Variants in MAPK8 observed in about 807,000 individuals in gnomAD.
The protein encoded by MAPK8 is JUN N-terminal kinase.
MAPK8 carries 13 observed loss-of-function variants against 52.9 expected under a neutral mutation model. That is an observed-to-expected ratio of 0.25 (90% CI 0.16 to 0.39). The LOEUF (loss-of-function observed/expected upper bound fraction) is 0.39. Ranked by LOEUF, MAPK8 falls within the 10% of genes least tolerant of loss-of-function variation. The probability of loss-of-function intolerance (pLI) is 1.00; values close to 1 mark genes in which losing one functional copy is unlikely to be tolerated. For synonymous variants in MAPK8, 191 were observed against 169.8 expected (o/e 1.12, Z -0.97); for missense variants, 300 against 519.2 (o/e 0.58, Z 4.10).
At chr10:48,367,373 AAAAATAAAT>A (rs1325176937) in intron 1 of MAPK8, among the ~76,000 whole-genome samples, 3 of 149,164 alleles carry the variant, frequency 2.0e-5, no homozygotes, top group Non-Finnish European at 4.4e-5. Flanking sequence ...TTTAAAAATT[AAAAATAAAT>A]AAATAAATAA....
At chr10:48,412,765 T>C (rs775302362) in intron 5 of MAPK8, among the ~76,000 whole-genome samples, 4 of 152,246 alleles carry the variant, frequency 2.6e-5, no homozygotes, top group Non-Finnish European at 5.9e-5. Context: ...TATTTCCCAA[T>C]GTTTTTTCCC....
intron 1 of MAPK8, among the ~76,000 whole-genome samples, chr10:48,358,678 C>T (rs972976343): frequency 2.0e-5 from 3 of 152,148 alleles, no homozygotes; most frequent in African/African-American, 4.8e-5. Context: ...TCTACAAAAC[C>T]GTTGCCAAAT....
At position 48,427,692 on chromosome 10, in the gene MAPK8, C is replaced by G. The variant is rs2043773098; in HGVS notation, c.1060+549C>G. Among the ~76,000 whole-genome samples the G allele has an allele frequency of 3.9e-5, 6 of 152,292 alleles. No homozygotes were observed. In the South Asian group the frequency reaches 1.2e-3, roughly 32 times the overall value. Reference sequence around the variant, plus strand: ...TATTTTTAGTAGAGACAGGGTTTCACCATGTTAGCCAGGATGGTCTCGATC... The same window carrying G: ...TATTTTTAGTAGAGACAGGGTTTCAGCATGTTAGCCAGGATGGTCTCGATC... On this transcript the variant is annotated intron_variant, in intron 10 of 11. Coordinates refer to ENST00000374189, the MANE Select transcript of MAPK8 (RefSeq NM_001323329.2).
chr10:48,410,009 T>C, intron 4 of MAPK8, 21 bp from the exon 5 acceptor site: 1 of 1,603,604 alleles, frequency 6.2e-7, no homozygotes. Flanking sequence ...CTTTAGCTGT[T>C]CTCTTTTTTC....
intron 1 of MAPK8, among the ~76,000 whole-genome samples, chr10:48,354,165 T>A (rs12255739): frequency 0.036 from 5,427 of 151,932 alleles, 323 homozygotes; most frequent in African/African-American, 0.12. Context: ...TAAAAAAAAA[T>A]TTTTTTAAAT....
At chr10:48,412,715 G>A (rs1322557826) in intron 5 of MAPK8, among the ~76,000 whole-genome samples, 1 of 152,150 alleles carries the variant, frequency 6.6e-6, no homozygotes. Flanking sequence ...TGCTAGTTAG[G>A]GAGGCAGGTA....
chr10:48,385,545 TATACA>T (rs2041262139), intron 1 of MAPK8, among the ~76,000 whole-genome samples: 1 of 152,218 alleles, frequency 6.6e-6, no homozygotes, highest in Non-Finnish European at 1.5e-5. Flanking sequence ...GGCACAGATT[TATACA>T]GAAAAAAATT....
chr10:48,366,364 A>T (rs1564536383), intron 1 of MAPK8, among the ~76,000 whole-genome samples: 1 of 152,218 alleles, frequency 6.6e-6, no homozygotes, highest in Non-Finnish European at 1.5e-5. Context: ...ACTACCACTT[A>T]CAACTGGTGA....
chr10:48,361,264 A>G (rs1847497132), intron 1 of MAPK8, among the ~76,000 whole-genome samples: 2 of 152,062 alleles, frequency 1.3e-5, no homozygotes, highest in Admixed American at 1.3e-4. Flanking sequence ...GTCCAAAATC[A>G]GTGTTTTTAT....
intron 1 of MAPK8, chr10:48,308,200 T>G (rs1296179756): frequency 3.9e-5 from 6 of 152,232 alleles, no homozygotes; most frequent in Admixed American, 1.3e-4. Flanking sequence ...TTTAGTGCTG[T>G]GCCTGACAAA....
intron 6 of MAPK8, among the ~76,000 whole-genome samples, chr10:48,423,529 C>T (rs1249737039): frequency 6.6e-6 from 1 of 152,152 alleles, no homozygotes; most frequent in Non-Finnish European, 1.5e-5. Flanking sequence ...AAGCATAGCA[C>T]TTCTCAGTTA....
intron 11 of MAPK8, among the ~76,000 whole-genome samples, chr10:48,434,230 TAAG>T (rs1179161261): frequency 5.3e-5 from 8 of 152,338 alleles, no homozygotes; most frequent in African/African-American, 1.9e-4. Context: ...AGAGTAGAAA[TAAG>T]AAGACCCAAG....
intron 1 of MAPK8, among the ~76,000 whole-genome samples, chr10:48,324,988 T>A (rs1843368924): frequency 8.6e-6 from 1 of 115,808 alleles, no homozygotes; most frequent in African/African-American, 3.4e-5. Flanking sequence ...TCATCCTTTT[T>A]TTTTTGAGAT....
At chr10:48,382,238 A>G (rs1243962514) in intron 1 of MAPK8, among the ~76,000 whole-genome samples, 1 of 152,190 alleles carries the variant, frequency 6.6e-6, no homozygotes, top group African/African-American at 2.4e-5. Context: ...GACCCAGGCA[A>G]AAATGTCTGA....
chr10:48,376,502 T>A (rs1461245590), intron 1 of MAPK8, among the ~76,000 whole-genome samples: 1 of 152,068 alleles, frequency 6.6e-6, no homozygotes, highest in Non-Finnish European at 1.5e-5. Context: ...AGCGCTAATA[T>A]CCAGAATCTA....
chr10:48,410,418 A>G (rs1014286162), intron 5 of MAPK8: 2 of 328,336 alleles, frequency 6.1e-6, no homozygotes, highest in African/African-American at 4.2e-5. Context: ...TTATGTTTCC[A>G]TTTATATGAA....
At chr10:48,322,315 TA>T (rs10666309) in intron 1 of MAPK8, among the ~76,000 whole-genome samples, 9 of 150,566 alleles carry the variant, frequency 6.0e-5, no homozygotes, top group South Asian at 2.1e-4. Context: ...TTTCATGATT[TA>T]AAAAAAAAAA....
intron 10 of MAPK8, among the ~76,000 whole-genome samples, chr10:48,428,867 C>G (rs998394078): frequency 6.6e-6 from 1 of 151,744 alleles, no homozygotes; most frequent in African/African-American, 2.4e-5. Flanking sequence ...GTCCCCCAGG[C>G]TAGAGTGCAG....
At chr10:48,314,127 T>C (rs1842261759) in intron 1 of MAPK8, among the ~76,000 whole-genome samples, 1 of 152,192 alleles carries the variant, frequency 6.6e-6, no homozygotes, top group Non-Finnish European at 1.5e-5. Flanking sequence ...GAAATTTATT[T>C]CTCACAGTTC....
Sources: allele counts gnomAD v4.1 joint callset (sites outside exome capture counted in the v4.1 genomes callset), GRCh38; gene constraint gnomAD v4.1.1; transcripts MANE v1.5; gene names NCBI Gene and HGNC (gene_info 2026-07-23, HGNC 2026-07-21).